The following TAMM41 variants were observed in gnomAD, a reference collection of about 807,000 sequenced individuals.
The protein encoded by TAMM41 is phosphatidate cytidylyltransferase, mitochondrial.
TAMM41 carries 36 observed loss-of-function variants against 44.1 expected under a neutral mutation model. The ratio of observed to expected loss-of-function variants is 0.82; its 90% CI spans 0.63 to 1.08. The LOEUF is 1.08. Ranked by LOEUF, TAMM41 falls within the 50% of genes least tolerant of loss-of-function variation. TAMM41 has a pLI of 0.00. For missense variants in TAMM41, 417 were observed against 404.3 expected (o/e 1.03, Z -0.27); for synonymous variants, 164 against 153.1 (o/e 1.07, Z -0.53).
chr3:11,746,248 G>A, the TAMM41 span, among the ~76,000 whole-genome samples: 26 of 149,346 alleles, frequency 1.7e-4, no homozygotes, highest in African/African-American at 6.2e-4. Flanking sequence ...AGCTTGCAGT[G>A]AGCCGAGATC....
the TAMM41 span, among the ~76,000 whole-genome samples, chr3:11,762,979 A>T: frequency 6.6e-6 from 1 of 152,236 alleles, no homozygotes; most frequent in African/African-American, 2.4e-5. Flanking sequence ...CGGAGGTTGC[A>T]GTAAGCCAAG....
chr3:11,827,018 C>CAACA (rs1559307449), intron 4 of TAMM41, among the ~76,000 whole-genome samples: 1 of 152,166 alleles, frequency 6.6e-6, no homozygotes, highest in African/African-American at 2.4e-5. Context: ...CTTTTTCACA[C>CAACA]GTGTTGTTTT....
chr3:11,779,588 C>T, the TAMM41 span, among the ~76,000 whole-genome samples: 1 of 152,162 alleles, frequency 6.6e-6, no homozygotes, highest in African/African-American at 2.4e-5. Flanking sequence ...CTCTGATTAC[C>T]TCTCAGGTTT....
Position 11,829,734 on chromosome 3 carries a change from A to C in TAMM41, c.542T>G (p.Ile181Ser). 6.2e-7 allele frequency: 1 copy of C among 1,614,174 alleles called. No individual in the cohort carries two copies. Among genetic ancestry groups the C allele is most frequent in the Non-Finnish European group, 8.5e-7 (1 of 1,180,024 alleles). ...SFSEEDLFIEIAGLSYSGDFR... is the reference protein window; with the variant it reads ...SFSEEDLFIESAGLSYSGDFR... ...CTAACCTGAATAGGAGAGACCGGCA[A>C]TCTCTATGAAGAGGTCTTCTTCAGA... Residue 181 changes from isoleucine (I) to serine (S), a missense_variant, in exon 4 of 8, where the codon ATT (isoleucine) becomes AGT (serine). Physicochemically the swap from Ile to Ser is moderately radical, Grantham distance 142. Transcript: ENST00000455809.
the TAMM41 span, among the ~76,000 whole-genome samples, chr3:11,778,211 T>C: frequency 6.4e-4 from 97 of 152,198 alleles, no homozygotes; most frequent in Non-Finnish European, 1.0e-3. Flanking sequence ...TTCTCGGTTA[T>C]ATGAGAACTC....
the TAMM41 span, among the ~76,000 whole-genome samples, chr3:11,771,875 G>T: frequency 1.3e-5 from 2 of 152,032 alleles, no homozygotes; most frequent in Admixed American, 1.3e-4. Flanking sequence ...GAGCCACCAC[G>T]CCCGGCCTGT....
At chr3:11,777,172 C>T in the TAMM41 span, among the ~76,000 whole-genome samples, 1 of 152,118 alleles carries the variant, frequency 6.6e-6, no homozygotes, top group Non-Finnish European at 1.5e-5. Flanking sequence ...TATGGGTATG[C>T]TAATTAACTT....
chr3:11,821,916 G>A (rs1406449620), intron 4 of TAMM41, among the ~76,000 whole-genome samples: 1 of 152,112 alleles, frequency 6.6e-6, no homozygotes, highest in Non-Finnish European at 1.5e-5. Context: ...GACACCACAA[G>A]TGGAAAATTC....
At position 11,818,951 on chromosome 3, in the gene TAMM41, CA is replaced by C. The variant is rs1358943753; in HGVS notation, c.563-1615del. 4.0e-4 allele frequency among the ~76,000 whole-genome samples: 61 copies of C among 150,708 alleles called. 1 individual carries two copies. The highest frequency in any genetic ancestry group is 1.5e-3 in the African/African-American group (61 of 40,990). On this transcript the variant is annotated intron_variant, in intron 4 of 7. Coordinates refer to ENST00000455809, the MANE Select transcript of TAMM41 (RefSeq NM_001284401.2). ...GCCTCTGGAACCCGATCTTGGTGTA[CA>C]GGGGGTCTGACTGTTCAGGTGAGTG...
rs771825601 is a variant in TAMM41 at position 11,809,578 on chromosome 3, A to T, written c.813T>A (p.Asp271Glu). The T allele has an allele frequency of 1.1e-4, 185 of 1,613,924 alleles. No individual in the cohort carries two copies. Among genetic ancestry groups the T allele is most frequent in the Non-Finnish European group, 1.6e-4 (183 of 1,180,006 alleles). Residue 271 changes from aspartate to glutamate, a missense_variant, in exon 6 of 8, where the codon GAT becomes GAA. By Grantham distance (45) the Asp-to-Glu change is conservative. Transcript: ENST00000455809. Reference protein sequence around the residue: ...HIMDPPGKNRDVEETLFQVAH... With the variant: ...HIMDPPGKNREVEETLFQVAH... ...CCACTTGGAATAAAGTTTCTTCCAC[A>T]TCTCTGTTTTTTCCAGGAGGGTCCA...
intron 7 of TAMM41, among the ~76,000 whole-genome samples, chr3:11,791,195 G>C (rs2077470214): frequency 6.6e-6 from 1 of 152,156 alleles, no homozygotes; most frequent in Admixed American, 6.5e-5. Flanking sequence ...CAGGGACCTT[G>C]CCCTGTTCAC....
chr3:11,822,631 C>T (rs945289139), intron 4 of TAMM41, among the ~76,000 whole-genome samples: 4 of 152,200 alleles, frequency 2.6e-5, no homozygotes, highest in Admixed American at 6.5e-5. Context: ...ATTTTATACA[C>T]ATTGAATTAT....
At chr3:11,784,535 C>T in the TAMM41 span, among the ~76,000 whole-genome samples, 1 of 152,138 alleles carries the variant, frequency 6.6e-6, no homozygotes, top group Non-Finnish European at 1.5e-5. Flanking sequence ...AAAAGGTAGG[C>T]ATATTTCCTT....
intron 4 of TAMM41, among the ~76,000 whole-genome samples, chr3:11,828,563 A>G (rs963529443): frequency 1.1e-4 from 16 of 152,196 alleles, no homozygotes; most frequent in African/African-American, 3.6e-4. Context: ...TCACTCTAAT[A>G]AAGTGACTTC....
chr3:11,729,525 CT>C, the TAMM41 span, among the ~76,000 whole-genome samples: 4 of 58,372 alleles, frequency 6.9e-5, no homozygotes, highest in African/African-American at 1.3e-4. Context: ...TTCTTTCTTT[CT>C]TTTCTTTCTT....
At chr3:11,764,486 C>CTTTTTTTTTTTTTTTTTTTTTTT in the TAMM41 span, among the ~76,000 whole-genome samples, 7 of 68,128 alleles carry the variant, frequency 1.0e-4, no homozygotes, top group East Asian at 5.2e-4. Flanking sequence ...TAATCTTATT[C>CTTTTTTTTTTTTTTTTTTTTTTT]TTTTTTTTTT....
At chr3:11,762,130 C>T in the TAMM41 span, among the ~76,000 whole-genome samples, 1 of 152,124 alleles carries the variant, frequency 6.6e-6, no homozygotes, top group East Asian at 1.9e-4. Context: ...CAGGCCCATT[C>T]GTCACTCATG....
the TAMM41 span, among the ~76,000 whole-genome samples, chr3:11,729,538 C>CTTTTTTTTTTTTTTT: frequency 3.8e-4 from 25 of 65,526 alleles, 5 homozygotes; most frequent in African/African-American, 1.2e-3. Context: ...TTCTTTCTTT[C>CTTTTTTTTTTTTTTT]ATTTTTTTTT....
At chr3:11,812,399 AC>A (rs1302667076) in intron 5 of TAMM41, among the ~76,000 whole-genome samples, 2 of 152,204 alleles carry the variant, frequency 1.3e-5, no homozygotes, top group Non-Finnish European at 2.9e-5. Context: ...GTTGTGCTAC[AC>A]ATCCTGAATC....
Sources: allele counts gnomAD v4.1 joint callset (sites outside exome capture counted in the v4.1 genomes callset), GRCh38; gene constraint gnomAD v4.1.1; transcripts MANE v1.5; gene names NCBI Gene and HGNC (gene_info 2026-07-23, HGNC 2026-07-21).